Variants in EBF1 observed in about 807,000 individuals in gnomAD.
EBF1 encodes the protein EBF transcription factor 1, also known as transcription factor COE1.
Under a neutral mutation model 68.4 loss-of-function variants are expected in EBF1, and 10 were observed. The observed-to-expected ratio is 0.15, with a 90% CI of 0.09 to 0.25. The LOEUF (loss-of-function observed/expected upper bound fraction) is 0.25, where lower values mean the gene tolerates loss of function less well. Among genes scored for constraint, EBF1 ranks in the 10% least tolerant of loss-of-function variants. The pLI is 1.00. For missense variants in EBF1, 509 were observed against 794.4 expected (o/e 0.64, Z 4.32); for synonymous variants, 298 against 299.8 (o/e 0.99, Z 0.06).
intron 6 of EBF1, among the ~76,000 whole-genome samples, chr5:158,936,278 CAT>C (rs1219121422): frequency 6.6e-6 from 1 of 152,160 alleles, no homozygotes; most frequent in African/African-American, 2.4e-5. Flanking sequence ...GGATGACCCA[CAT>C]ATATATAGCA....
chr5:158,840,018 G>A lies in EBF1; in HGVS notation c.636+11C>T, dbSNP rs1789832419. 2 of 1,612,990 alleles carry A rather than the reference G, an allele frequency of 1.2e-6. No individual in the cohort carries two copies. The highest frequency in any genetic ancestry group is 1.3e-5 in the African/African-American group (1 of 74,886). ...CATTATTGAGATTCAAGAAAGATAA[G>A]TCAGACCCACCTGGAATCTCCGCAT... On this transcript the variant is annotated intron_variant, in intron 7 of 15. Coordinates refer to ENST00000313708, the MANE Select transcript of EBF1 (RefSeq NM_024007.5).
chr5:159,037,781 A>T (rs1418922224), intron 6 of EBF1, among the ~76,000 whole-genome samples: 2 of 151,844 alleles, frequency 1.3e-5, no homozygotes, highest in African/African-American at 2.4e-5. Context: ...CAATGTGCAC[A>T]TGTACTCTAA....
At chr5:158,936,035 A>G (rs1197885158) in intron 6 of EBF1, among the ~76,000 whole-genome samples, 1 of 152,158 alleles carries the variant, frequency 6.6e-6, no homozygotes, top group Non-Finnish European at 1.5e-5. Flanking sequence ...AAAAAAGGAG[A>G]GGCTTGGTTT....
chr5:158,909,333 CTGGTTTGGTT>C (rs979089466), intron 6 of EBF1, among the ~76,000 whole-genome samples: 1 of 151,984 alleles, frequency 6.6e-6, no homozygotes, highest in East Asian at 1.9e-4. Context: ...TTCTGTTTGG[CTGGTTTGGTT>C]TGGTTTGGTT....
At chr5:159,003,109 G>C (rs2127652110) in intron 6 of EBF1, among the ~76,000 whole-genome samples, 1 of 152,314 alleles carries the variant, frequency 6.6e-6, no homozygotes, top group Non-Finnish European at 1.5e-5. Context: ...TTGCTGCTGT[G>C]ACTTTTCTCT....
At chr5:158,856,218 C>T (rs1793974144) in intron 6 of EBF1, among the ~76,000 whole-genome samples, 1 of 152,156 alleles carries the variant, frequency 6.6e-6, no homozygotes, top group Non-Finnish European at 1.5e-5. Context: ...CAATTTAAGC[C>T]AAGAGGTGTC....
At chr5:158,986,453 C>T (rs1759094556) in intron 6 of EBF1, 1 of 152,148 alleles carries the variant, frequency 6.6e-6, no homozygotes, top group Non-Finnish European at 1.5e-5. Context: ...TGCTGCATCC[C>T]CAGGTAAAGA....
At chr5:159,040,580 G>A (rs372465450) in intron 6 of EBF1, among the ~76,000 whole-genome samples, 2 of 152,212 alleles carry the variant, frequency 1.3e-5, no homozygotes, top group East Asian at 1.9e-4. Flanking sequence ...AAGCATCCTT[G>A]GAGAAATACA....
At chr5:159,043,295 TC>T (rs1052807964) in intron 6 of EBF1, among the ~76,000 whole-genome samples, 3 of 152,216 alleles carry the variant, frequency 2.0e-5, no homozygotes, top group African/African-American at 7.2e-5. Flanking sequence ...CTCAGTTTGA[TC>T]ATCACTTCAC....
intron 6 of EBF1, among the ~76,000 whole-genome samples, chr5:158,916,168 G>C (rs1562292129): frequency 6.6e-6 from 1 of 152,158 alleles, no homozygotes; most frequent in Non-Finnish European, 1.5e-5. Flanking sequence ...TTATGCCAAG[G>C]ATGGAAATTA....
At chr5:158,898,225 C>T (rs1205367010) in intron 6 of EBF1, among the ~76,000 whole-genome samples, 1 of 152,064 alleles carries the variant, frequency 6.6e-6, no homozygotes, top group Non-Finnish European at 1.5e-5. Context: ...CTGAATAGCC[C>T]CTGGTCTTTT....
intron 7 of EBF1, among the ~76,000 whole-genome samples, chr5:158,829,696 A>G (rs1484517594): frequency 6.6e-6 from 1 of 151,962 alleles, no homozygotes. Context: ...TCTACCCTCA[A>G]CCCCCTATAG....
In EBF1 at chr5:158,935,256, G is replaced by T. The variant is rs571428709; in HGVS notation, c.555-95146C>A. Among the ~76,000 whole-genome samples the T allele has an allele frequency of 1.0e-3, 158 of 152,330 alleles. 1 individual carries two copies. The highest frequency in any genetic ancestry group is 2.1e-3 in the Non-Finnish European group (146 of 68,034). ...TGCCAGAGGCATCTTGGAGGCAGCA[G>T]CCAGTCAGAGGCTGTGTTCCGAGGG... On this transcript the variant is annotated intron_variant, in intron 6 of 15. Coordinates refer to ENST00000313708, the MANE Select transcript of EBF1 (RefSeq NM_024007.5).
chr5:159,042,905 A>G (rs1453254682), intron 6 of EBF1, among the ~76,000 whole-genome samples: 1 of 152,018 alleles, frequency 6.6e-6, no homozygotes, highest in African/African-American at 2.4e-5. Context: ...CATGACAGGG[A>G]GCTACTAGGT....
chr5:158,830,014 G>A (rs1287542921), intron 7 of EBF1, among the ~76,000 whole-genome samples: 1 of 152,194 alleles, frequency 6.6e-6, no homozygotes, highest in Non-Finnish European at 1.5e-5. Flanking sequence ...ACTCTAAAGA[G>A]AACGTGATTC....
At chr5:158,782,591 G>A (rs1330433974) in intron 9 of EBF1, among the ~76,000 whole-genome samples, 3 of 152,122 alleles carry the variant, frequency 2.0e-5, no homozygotes, top group African/African-American at 7.2e-5. Flanking sequence ...AGCCCAGGAA[G>A]TCGAGGTTGC....
chr5:158,864,003 A>G (rs536890955), intron 6 of EBF1, among the ~76,000 whole-genome samples: 1 of 152,130 alleles, frequency 6.6e-6, no homozygotes, highest in South Asian at 2.1e-4. Flanking sequence ...AGACTGAGGC[A>G]GGTGGATTAC....
chr5:158,928,726 G>T (rs2127431241), intron 6 of EBF1, among the ~76,000 whole-genome samples: 1 of 152,266 alleles, frequency 6.6e-6, no homozygotes, highest in East Asian at 1.9e-4. Context: ...ATTTATTATT[G>T]AATTAAGTTT....
At chr5:159,009,215 G>A (rs767505995) in intron 6 of EBF1, among the ~76,000 whole-genome samples, 4 of 152,324 alleles carry the variant, frequency 2.6e-5, no homozygotes, top group South Asian at 2.1e-4. Context: ...AAACTCAGAT[G>A]TCTTCATTCA....
Sources: gnomAD v4.1 joint callset for allele counts (sites outside exome capture counted in the v4.1 genomes callset) on GRCh38, gnomAD v4.1.1 for gene constraint, MANE v1.5 for transcripts, NCBI Gene and HGNC (gene_info 2026-07-23, HGNC 2026-07-21) for gene names.